AGBL1: variants seen among roughly 807,000 people sequenced by gnomAD.
AGBL1 encodes cytosolic carboxypeptidase 4.
AGBL1 carries 130 observed loss-of-function variants against 118.9 expected under a neutral mutation model. The observed-to-expected ratio is 1.09, with a 90% CI of 0.95 to 1.26. The LOEUF (loss-of-function observed/expected upper bound fraction) is 1.26, where lower values mean the gene tolerates loss of function less well. AGBL1 is among the 50% of genes most tolerant of loss of function. AGBL1 has a pLI of 0.00. For missense variants in AGBL1, 1,584 were observed against 1,298.1 expected, an observed-to-expected ratio of 1.22 and a Z score of -3.38; for synonymous variants, 555 against 478.9, an observed-to-expected ratio of 1.16 and a Z score of -2.08.
At chr15:87,028,976 C>A in exon 25 of AGBL1, 2 of 876,596 alleles carry the variant, frequency 2.3e-6, no homozygotes, top group Non-Finnish European at 3.6e-6. Context: ...CATCCCTGCA[C>A]TCCCTTATCT....
chr15:86,821,281 C>A (rs1472048072), intron 22 of AGBL1, among the ~76,000 whole-genome samples: 2 of 152,000 alleles, frequency 1.3e-5, no homozygotes, highest in African/African-American at 4.8e-5. Flanking sequence ...ACCTATGTAA[C>A]AAACATGCAT....
At chr15:87,019,011 A>T (rs1292533938) in intron 24 of AGBL1, among the ~76,000 whole-genome samples, 2 of 151,122 alleles carry the variant, frequency 1.3e-5, no homozygotes, top group South Asian at 2.1e-4. Context: ...AACAAAGATA[A>T]AAAAAAAGAC....
chr15:86,895,005 T>C (rs910151803), intron 22 of AGBL1, among the ~76,000 whole-genome samples: 4 of 150,170 alleles, frequency 2.7e-5, no homozygotes, highest in African/African-American at 9.7e-5. Context: ...GCCAGGGACA[T>C]CTAACAACAG....
rs1202373527 is a variant in AGBL1 at position 86,155,381 on chromosome 15, T to C, written c.394+820T>C. Among the ~76,000 whole-genome samples, 3 of 152,108 alleles carry C rather than the reference T, an allele frequency of 2.0e-5. No homozygotes were observed. The East Asian group carries it at 5.8e-4, about 29-fold the overall frequency. On this transcript the variant is annotated intron_variant, in intron 4 of 22. Coordinates refer to ENST00000614907, the MANE Select transcript of AGBL1 (RefSeq NM_001386094.1). ...AGGAGAATCACTTGAGCCCAGGAAG[T>C]CATGGCTGCAGTGAGCATTGATTGT... is the stretch of plus-strand genomic sequence containing the variant.
At chr15:86,684,375 C>T (rs2086015279) in intron 22 of AGBL1, among the ~76,000 whole-genome samples, 1 of 152,070 alleles carries the variant, frequency 6.6e-6, no homozygotes, top group African/African-American at 2.4e-5. Flanking sequence ...TTCTACTGTA[C>T]CCAAGATGAA....
chr15:86,306,347 CT>C (rs557001286), intron 17 of AGBL1, among the ~76,000 whole-genome samples: 63 of 152,268 alleles, frequency 4.1e-4, no homozygotes, highest in African/African-American at 1.5e-3. Flanking sequence ...CATCCTTCTA[CT>C]CTTTATCTTC....
chr15:86,718,097 A>G (rs980072780), intron 22 of AGBL1, among the ~76,000 whole-genome samples: 2 of 152,136 alleles, frequency 1.3e-5, no homozygotes, highest in Non-Finnish European at 2.9e-5. Flanking sequence ...CAAAAAAATT[A>G]TTATAGAAAC....
rs565160541 is a variant in AGBL1, at chr15:86,222,028, C to T, written c.489-2886C>T. Among the ~76,000 whole-genome samples the T allele has an allele frequency of 2.6e-5, 4 of 152,220 alleles. No homozygotes were observed. In the East Asian group the frequency reaches 7.7e-4, roughly 29 times the overall value. On this transcript the variant is annotated intron_variant, in intron 5 of 22. Coordinates refer to ENST00000614907, the MANE Select transcript of AGBL1 (RefSeq NM_001386094.1). The stretch of plus-strand genomic sequence containing the variant: ...AAGTTCAGTTTCCAAACTAATCATC[C>T]GCAGGTCTCCTAGTTCCTCAAATGC...
chr15:86,477,004 G>A (rs1272144825), intron 18 of AGBL1, among the ~76,000 whole-genome samples: 2 of 152,102 alleles, frequency 1.3e-5, no homozygotes, highest in East Asian at 3.9e-4. Context: ...TGAAATGAAG[G>A]CAGAAAAAAA....
intron 19 of AGBL1, among the ~76,000 whole-genome samples, chr15:86,539,202 A>T (rs950201914): frequency 6.6e-6 from 1 of 152,192 alleles, no homozygotes; most frequent in African/African-American, 2.4e-5. Context: ...AACTACACAA[A>T]GTCTTCAATT....
At chr15:86,721,348 T>C (rs1040073166) in intron 22 of AGBL1, among the ~76,000 whole-genome samples, 75 of 152,112 alleles carry the variant, frequency 4.9e-4, no homozygotes, top group Non-Finnish European at 7.5e-4. Context: ...GTTCAACATA[T>C]GCAAATCAAT....
chr15:86,482,963 A>G (rs997116758), intron 18 of AGBL1, among the ~76,000 whole-genome samples: 1 of 152,018 alleles, frequency 6.6e-6, no homozygotes, highest in Non-Finnish European at 1.5e-5. Flanking sequence ...CAGGCTGGGA[A>G]ACATAGCCTC....
chr15:87,005,085 GT>G (rs1360861292), intron 24 of AGBL1, among the ~76,000 whole-genome samples: 43 of 152,278 alleles, frequency 2.8e-4, no homozygotes, highest in African/African-American at 1.0e-3. Context: ...GCTTCCCTTT[GT>G]GGGTAATCTG....
At chr15:86,104,847 G>C (rs570240746) in intron 1 of AGBL1, among the ~76,000 whole-genome samples, 1 of 152,156 alleles carries the variant, frequency 6.6e-6, no homozygotes, top group East Asian at 1.9e-4. Flanking sequence ...GCCAGTGTAC[G>C]ATCTCTAGGT....
chr15:86,196,161 T>G (rs2077798556), intron 5 of AGBL1, among the ~76,000 whole-genome samples: 1 of 152,232 alleles, frequency 6.6e-6, no homozygotes, highest in Non-Finnish European at 1.5e-5. Context: ...ATGATGACTT[T>G]GGCCGCATGT....
At position 86,269,825 on chromosome 15, in the gene AGBL1, G is replaced by A. The variant is rs2079129488; in HGVS notation, c.1839-94G>A. 3.6e-6 allele frequency: 5 copies of A among 1,405,678 alleles called. No homozygotes were observed. In the South Asian group the frequency reaches 5.6e-5, roughly 16 times the overall value. The allele number at this position is 1,405,678 out of a possible 1,614,324, so 87.1% of individuals were successfully genotyped here. ...GGCTGAGATCCTGGGTCTTAGATCT[G>A]TAACCCAGAAACTGAAACGTGTAGA... On this transcript the variant is annotated intron_variant, in intron 13 of 22. Transcript: ENST00000614907.
intron 22 of AGBL1, among the ~76,000 whole-genome samples, chr15:86,865,102 C>A (rs903201228): frequency 1.3e-5 from 2 of 152,114 alleles, no homozygotes; most frequent in African/African-American, 2.4e-5. Flanking sequence ...GTGGGAGTTA[C>A]ATAAATAGCT....
chr15:86,125,868 G>C (rs1223440480), intron 1 of AGBL1, among the ~76,000 whole-genome samples: 1 of 152,184 alleles, frequency 6.6e-6, no homozygotes, highest in Non-Finnish European at 1.5e-5. Context: ...ATTGAACTAA[G>C]AGATCATTGA....
rs1278811063 is a variant in AGBL1 at position 86,256,909 on chromosome 15, G to A, written c.792G>A (p.Leu264=). ...TCATCTCTGTGGTGCTTCAGATCCT[G>A]AGGCAGTGCTACCCTACGAGTCCAC... The part of the protein sequence containing the change: ...EPVISVVLQI[L]RQCYPTSPLP... Residue 264 remains leucine (L), a synonymous_variant, in exon 8 of 23, where the codon CTG becomes CTA. Coordinates refer to ENST00000614907, the MANE Select transcript of AGBL1 (RefSeq NM_001386094.1). 6.2e-7 allele frequency: 1 copy of A among 1,613,936 alleles called. No individual in the cohort carries two copies. Among genetic ancestry groups the A allele is most frequent in the Admixed American group, 1.7e-5 (1 of 60,002 alleles).
Sources: gnomAD v4.1 joint callset for allele counts (sites outside exome capture counted in the v4.1 genomes callset) on GRCh38, gnomAD v4.1.1 for gene constraint, MANE v1.5 for transcripts, NCBI Gene and HGNC (gene_info 2026-07-23, HGNC 2026-07-21) for gene names.